NELL1: variants seen among roughly 807,000 people sequenced by gnomAD.
NELL1 encodes the protein protein kinase C-binding protein NELL1.
NELL1 carries 76 observed loss-of-function variants against 107.4 expected under a neutral mutation model. That is an observed-to-expected ratio of 0.71 (90% CI 0.59 to 0.86). The LOEUF is 0.86. NELL1 is among the 40% of genes least tolerant of loss of function. NELL1 has a pLI of 0.00. For missense variants in NELL1, 1,024 were observed against 1,005.5 expected, an observed-to-expected ratio of 1.02 and a Z score of -0.25; for synonymous variants, 353 against 341.2, an observed-to-expected ratio of 1.03 and a Z score of -0.38.
chr11:21,223,564 A>G (rs1340727784), intron 13 of NELL1, among the ~76,000 whole-genome samples: 2 of 152,086 alleles, frequency 1.3e-5, no homozygotes, highest in African/African-American at 4.8e-5. Context: ...TTAATATTTG[A>G]GGTTTATATT....
chr11:20,831,342 G>A (rs1858004575), intron 3 of NELL1, among the ~76,000 whole-genome samples: 2 of 152,150 alleles, frequency 1.3e-5, no homozygotes, highest in African/African-American at 4.8e-5. Context: ...ATTTTGACAA[G>A]TTGACTCATG....
chr11:20,748,664 A>AT (rs1226226849), intron 2 of NELL1, among the ~76,000 whole-genome samples: 2 of 151,974 alleles, frequency 1.3e-5, no homozygotes, highest in African/African-American at 4.8e-5. Flanking sequence ...TGGTATTTTG[A>AT]TTTTCCATTC....
chr11:21,075,350 A>G (rs1854109700), intron 12 of NELL1, among the ~76,000 whole-genome samples: 1 of 152,114 alleles, frequency 6.6e-6, no homozygotes, highest in African/African-American at 2.4e-5. Flanking sequence ...ATATATTGCT[A>G]CACTCTGAAT....
At chr11:21,553,696 A>G (rs1323276271) in intron 16 of NELL1, among the ~76,000 whole-genome samples, 1 of 151,868 alleles carries the variant, frequency 6.6e-6, no homozygotes, top group African/African-American at 2.4e-5. Flanking sequence ...TGCATTTCTT[A>G]TTAGGTGAAA....
At chr11:20,786,831 A>AC (rs1856971682) in intron 3 of NELL1, among the ~76,000 whole-genome samples, 1 of 151,498 alleles carries the variant, frequency 6.6e-6, no homozygotes, top group Non-Finnish European at 1.5e-5. Flanking sequence ...ACACGGTGAA[A>AC]CCCCGTCTCT....
intron 7 of NELL1, among the ~76,000 whole-genome samples, chr11:20,920,170 T>TTCCA (rs1255832863): frequency 2.0e-5 from 3 of 151,974 alleles, no homozygotes; most frequent in Non-Finnish European, 4.4e-5. Context: ...TGGACATGAG[T>TTCCA]TCCAGCCTAG....
intron 13 of NELL1, among the ~76,000 whole-genome samples, chr11:21,161,944 C>CTTTTTTTTTTTTT (rs34422649): frequency 6.0e-5 from 5 of 83,062 alleles, no homozygotes; most frequent in Admixed American, 1.9e-4. Flanking sequence ...GGAACATAAT[C>CTTTTTTTTTTTTT]TTTTTTTTTT....
At chr11:20,682,238 G>A (rs569258000) in intron 2 of NELL1, among the ~76,000 whole-genome samples, 9 of 151,824 alleles carry the variant, frequency 5.9e-5, no homozygotes, top group South Asian at 2.1e-4. Flanking sequence ...TGTATTGTGC[G>A]CTGCATCTTT....
chr11:20,698,056 G>C (rs191926070), intron 2 of NELL1, among the ~76,000 whole-genome samples: 1 of 152,286 alleles, frequency 6.6e-6, no homozygotes, highest in Admixed American at 6.5e-5. Context: ...AATTACCTCA[G>C]GGAGCATTTA....
intron 12 of NELL1, among the ~76,000 whole-genome samples, chr11:21,036,895 C>T (rs75020080): frequency 0.024 from 3,610 of 152,020 alleles, 142 homozygotes; most frequent in African/African-American, 0.081. Context: ...TTTTATGACA[C>T]GTATTAGATA....
intron 13 of NELL1, among the ~76,000 whole-genome samples, chr11:21,147,692 CG>C (rs919355516): frequency 4.6e-5 from 7 of 151,294 alleles, no homozygotes; most frequent in Admixed American, 2.6e-4. Flanking sequence ...CAAAATTAGC[CG>C]GGTGTGGTGG....
intron 12 of NELL1, among the ~76,000 whole-genome samples, chr11:21,053,296 GT>G (rs1219511175): frequency 6.6e-6 from 1 of 152,046 alleles, no homozygotes; most frequent in Admixed American, 6.6e-5. Flanking sequence ...ACAGGCCCCA[GT>G]GTGTGATGTT....
At chr11:20,845,488 C>T (rs781691069) in intron 3 of NELL1, among the ~76,000 whole-genome samples, 3 of 152,078 alleles carry the variant, frequency 2.0e-5, no homozygotes, top group Non-Finnish European at 2.9e-5. Flanking sequence ...GTCCCTTCCC[C>T]AAGTAATTGC....
intron 2 of NELL1, among the ~76,000 whole-genome samples, chr11:20,725,458 G>A (rs1855487735): frequency 6.6e-6 from 1 of 152,196 alleles, no homozygotes; most frequent in Non-Finnish European, 1.5e-5. Flanking sequence ...GTAAGTCTGT[G>A]GTGATGTGGC....
At chr11:21,375,380 G>T (rs556641031) in intron 15 of NELL1, among the ~76,000 whole-genome samples, 65 of 152,154 alleles carry the variant, frequency 4.3e-4, no homozygotes, top group African/African-American at 1.5e-3. Context: ...CAAAGGACAT[G>T]ATTTCATTCT....
chr11:21,565,316 C>T (rs1233178525), intron 17 of NELL1, among the ~76,000 whole-genome samples: 1 of 151,796 alleles, frequency 6.6e-6, no homozygotes, highest in East Asian at 1.9e-4. Flanking sequence ...TGACTCTTTC[C>T]CCTGTGGTAG....
chr11:20,970,911 C>G (rs79309620), intron 12 of NELL1, among the ~76,000 whole-genome samples: 1 of 152,036 alleles, frequency 6.6e-6, no homozygotes, highest in African/African-American at 2.4e-5. Context: ...TTATTTTCAT[C>G]TCATCCTCAA....
chr11:21,289,258 C>G (rs1590807777), intron 14 of NELL1, among the ~76,000 whole-genome samples: 1 of 152,274 alleles, frequency 6.6e-6, no homozygotes, highest in East Asian at 1.9e-4. Flanking sequence ...TGTGTGGCTC[C>G]CAGCAAGATC....
chr11:21,201,002 G>C (rs182953832), intron 13 of NELL1, among the ~76,000 whole-genome samples: 67 of 152,182 alleles, frequency 4.4e-4, no homozygotes, highest in African/African-American at 1.4e-3. Context: ...ATCTGTTTTG[G>C]TACCAGTACC....
Sources: gnomAD v4.1 joint callset for allele counts (sites outside exome capture counted in the v4.1 genomes callset) on GRCh38, gnomAD v4.1.1 for gene constraint, MANE v1.5 for transcripts, NCBI Gene and HGNC (gene_info 2026-07-23, HGNC 2026-07-21) for gene names.